The following FAM193A variants were observed in gnomAD, a reference collection of about 807,000 sequenced individuals.
FAM193A encodes protein FAM193A.
In FAM193A, 22 loss-of-function variants were observed where a neutral mutation model predicts 126.5. That is an observed-to-expected ratio of 0.17 (90% CI 0.12 to 0.25). FAM193A has a LOEUF of 0.25. FAM193A is among the 10% of genes least tolerant of loss of function. The pLI, the probability that FAM193A is intolerant of heterozygous loss-of-function variation, is 1.00. For missense variants in FAM193A, 1,675 were observed against 1,672.8 expected, an observed-to-expected ratio of 1.00 and a Z score of -0.02; for synonymous variants, 761 against 646.8, an observed-to-expected ratio of 1.18 and a Z score of -2.68.
rs1463434284 is a variant in FAM193A at position 2,646,752 on chromosome 4, C to T, written c.1231C>T (p.Arg411Cys). ...TYSTLLQRYQ[R>C]SEEELRRVAE... Reference sequence around the variant, plus strand: ...CAGTACCTTGCTGCAGAGGTACCAGCGTTCCGAGGAGGAGCTGCGCAGAGT... The same window carrying T: ...CAGTACCTTGCTGCAGAGGTACCAGTGTTCCGAGGAGGAGCTGCGCAGAGT... Residue 411 changes from arginine to cysteine, a missense_variant, in exon 7 of 21, where the codon CGT becomes TGT. This residue lies in a region of FAM193A where 1,186 missense variants were observed against 1,109.2 expected (regional missense o/e 1.07). Transcript: ENST00000637812. The T allele has an allele frequency of 1.9e-6, 3 of 1,614,096 alleles. No homozygotes were observed. The highest frequency in any genetic ancestry group is 1.7e-4 in the Middle Eastern group (1 of 6,060).
Position 2,590,506 on chromosome 4 carries a change from C to CAAACCAAAAA in FAM193A, c.256-5575_256-5574insCCAAAAAAAA, listed in dbSNP as rs1560464715. Among the ~76,000 whole-genome samples, 3 of 33,220 alleles carry CAAACCAAAAA rather than the reference C, an allele frequency of 9.0e-5. 1 individual carries two copies. The highest frequency in any genetic ancestry group is 1.9e-4 in the Admixed American group (1 of 5,268). 21.8% of individuals were successfully genotyped at this position (33,220 alleles called of 152,430 possible). ...AAAAACAAAAAAAAACAAAAAAAAA[C>CAAACCAAAAA]AAAAAAAAAACAAAACAAAATTAAA... is the stretch of plus-strand genomic sequence containing the variant. On this transcript the variant is annotated intron_variant, in intron 1 of 20. Transcript: ENST00000637812.
rs150456012 is a variant in FAM193A, at chr4:2,731,850, C to A, written c.4530C>A (p.Ala1510=). The change falls in exon 21 of 21, where the codon GCC becomes GCA. Residue 1510 remains alanine (A), a synonymous_variant. Transcript: ENST00000637812. ...GGTCCAATTTTAGCTTGAAAAAAGC[C>A]ACCTTTGCTGCCCACTGAATGAGGA... ...INWSNFSLKK[A]TFAAH is the part of the protein sequence containing the mutation. 1.9e-6 allele frequency: 3 copies of A among 1,613,814 alleles called. No individual in the cohort carries two copies. Among genetic ancestry groups the A allele is most frequent in the South Asian group, 1.1e-5 (1 of 91,086 alleles).
Position 2,731,662 on chromosome 4 carries a change from C to T in FAM193A, c.4455-113C>T, listed in dbSNP as rs1223294473. On this transcript the variant is annotated intron_variant, in intron 20 of 20. Transcript: ENST00000637812. The stretch of plus-strand genomic sequence containing the variant: ...GTGCCCCTCACCGAGAATCTAAACC[C>T]CTGACCCCGCAGTGAGTTTCTGGCA... 8 of 791,050 alleles carry T rather than the reference C, an allele frequency of 1.0e-5. No individual in the cohort carries two copies. The East Asian group carries it at 2.0e-4, about 19-fold the overall frequency. 49.0% of individuals were successfully genotyped at this position (791,050 alleles called of 1,614,324 possible). A position where few individuals can be genotyped will look rare whatever the true frequency, so the allele number is the denominator to read the frequency against.
chr4:2,571,091 G>A (rs565080640), intron 1 of FAM193A, among the ~76,000 whole-genome samples: 2 of 152,262 alleles, frequency 1.3e-5, no homozygotes, highest in East Asian at 3.9e-4. Context: ...CTTACCCATA[G>A]GCTCTGCTCT....
intron 2 of FAM193A, among the ~76,000 whole-genome samples, chr4:2,618,914 T>A (rs1742371717): frequency 6.6e-6 from 1 of 152,118 alleles, no homozygotes. Context: ...TATTTTTTTG[T>A]AGAGGTGGGG....
chr4:2,558,941 CATG>C (rs1738434906), intron 1 of FAM193A, among the ~76,000 whole-genome samples: 1 of 152,166 alleles, frequency 6.6e-6, no homozygotes, highest in African/African-American at 2.4e-5. Context: ...GTGGAAGTTG[CATG>C]AACTGTGATC....
intron 1 of FAM193A, among the ~76,000 whole-genome samples, chr4:2,543,946 G>A (rs116227439): frequency 0.032 from 4,763 of 148,448 alleles, 151 homozygotes; most frequent in Non-Finnish European, 0.046. Flanking sequence ...TGGTATGATC[G>A]TTGTATAAAC....
At chr4:2,675,296 C>G (rs1445488597) in intron 13 of FAM193A, among the ~76,000 whole-genome samples, 2 of 152,176 alleles carry the variant, frequency 1.3e-5, no homozygotes, top group African/African-American at 4.8e-5. Flanking sequence ...CAGTCAGCAA[C>G]TATGTTTTGA....
intron 2 of FAM193A, among the ~76,000 whole-genome samples, chr4:2,602,353 C>CTTTT (rs35168097): frequency 2.3e-5 from 3 of 128,562 alleles, no homozygotes; most frequent in East Asian, 4.5e-4. Flanking sequence ...ATGTTCTGTT[C>CTTTT]TTTTTTTTTT....
chr4:2,611,838 A>ATT (rs1339000637), intron 2 of FAM193A, among the ~76,000 whole-genome samples: 104 of 136,262 alleles, frequency 7.6e-4, no homozygotes, highest in African/African-American at 2.1e-3. Flanking sequence ...GATCAAATCC[A>ATT]TTTTTTTTTT....
chr4:2,634,223 T>C (rs1266997201), intron 5 of FAM193A, among the ~76,000 whole-genome samples: 2 of 152,204 alleles, frequency 1.3e-5, no homozygotes, highest in African/African-American at 4.8e-5. Flanking sequence ...ACTTGGTAGC[T>C]GTCAGCCAGC....
intron 9 of FAM193A, 48 bp downstream of exon 9, chr4:2,659,718 C>T: frequency 1.2e-6 from 2 of 1,608,868 alleles, no homozygotes; most frequent in Non-Finnish European, 1.7e-6. Flanking sequence ...TGGACCTTCA[C>T]TGGGCTGAGT....
chr4:2,639,469 C>A (rs1744396379), intron 5 of FAM193A, among the ~76,000 whole-genome samples: 1 of 152,110 alleles, frequency 6.6e-6, no homozygotes, highest in African/African-American at 2.4e-5. Flanking sequence ...CACCTGTCAC[C>A]CTGTCTTTGC....
intron 1 of FAM193A, among the ~76,000 whole-genome samples, chr4:2,543,597 C>A (rs1388508632): frequency 6.6e-6 from 1 of 151,936 alleles, no homozygotes; most frequent in Non-Finnish European, 1.5e-5. Flanking sequence ...TGGCTCACGC[C>A]TGTAATCTTA....
At chr4:2,708,548 C>T (rs892224803) in intron 19 of FAM193A, among the ~76,000 whole-genome samples, 16 of 151,952 alleles carry the variant, frequency 1.1e-4, no homozygotes, top group African/African-American at 3.4e-4. Context: ...CTGCAGCCTA[C>T]GCCTTCTGGG....
At chr4:2,683,801 G>A (rs1418901639) in intron 13 of FAM193A, among the ~76,000 whole-genome samples, 1 of 152,138 alleles carries the variant, frequency 6.6e-6, no homozygotes, top group Non-Finnish European at 1.5e-5. Flanking sequence ...TATATCTTTC[G>A]AAACTGTCCC....
chr4:2,580,030 A>G (rs1739829124), intron 1 of FAM193A, among the ~76,000 whole-genome samples: 1 of 152,214 alleles, frequency 6.6e-6, no homozygotes, highest in South Asian at 2.1e-4. Context: ...AATCAACCCA[A>G]ATGCCCATCA....
intron 13 of FAM193A, among the ~76,000 whole-genome samples, chr4:2,688,263 T>C (rs1577207793): frequency 6.6e-6 from 1 of 152,118 alleles, no homozygotes; most frequent in Non-Finnish European, 1.5e-5. Flanking sequence ...AGGTCTCGAA[T>C]TATAACTGTG....
chr4:2,564,848 C>T (rs1212024662), intron 1 of FAM193A, among the ~76,000 whole-genome samples: 1 of 151,936 alleles, frequency 6.6e-6, no homozygotes, highest in Non-Finnish European at 1.5e-5. Flanking sequence ...TCTTGTCGCC[C>T]AGGTTGGAGG....
Sources: allele counts gnomAD v4.1 joint callset (sites outside exome capture counted in the v4.1 genomes callset), GRCh38; gene constraint gnomAD v4.1.1; regional missense constraint gnomAD v4.1.1; transcripts MANE v1.5; gene names NCBI Gene and HGNC (gene_info 2026-07-23, HGNC 2026-07-21).